DAPK1: variants seen among roughly 807,000 people sequenced by gnomAD.
DAPK1 encodes death associated protein kinase 1.
DAPK1 carries 56 observed loss-of-function variants against 144.9 expected under a neutral mutation model. The observed-to-expected ratio is 0.39, with a 90% CI of 0.31 to 0.48. DAPK1 has a LOEUF of 0.48. Among genes scored for constraint, DAPK1 ranks in the 20% least tolerant of loss-of-function variants. DAPK1 has a pLI of 0.95. For missense variants in DAPK1, 1,454 were observed against 1,875.4 expected, an observed-to-expected ratio of 0.78 and a Z score of 4.15; for synonymous variants, 690 against 749.0, an observed-to-expected ratio of 0.92 and a Z score of 1.29.
At chr9:87,666,950 T>A (rs1831081968) in intron 18 of DAPK1, among the ~76,000 whole-genome samples, 1 of 152,170 alleles carries the variant, frequency 6.6e-6, no homozygotes, top group East Asian at 1.9e-4. Context: ...TCAGATTTCT[T>A]CTAACTAGGG....
At chr9:87,675,515 C>T (rs1277377098) in intron 19 of DAPK1, among the ~76,000 whole-genome samples, 1 of 151,934 alleles carries the variant, frequency 6.6e-6, no homozygotes, top group Non-Finnish European at 1.5e-5. Flanking sequence ...GAACAATGCC[C>T]GACATGACCC....
intron 19 of DAPK1, among the ~76,000 whole-genome samples, chr9:87,679,241 G>A (rs150101399): frequency 1.3e-5 from 2 of 152,226 alleles, no homozygotes; most frequent in East Asian, 1.9e-4. Context: ...ATTACAGGTC[G>A]GGGGTCACCA....
chr9:87,576,012 C>G (rs1267519021), intron 2 of DAPK1, among the ~76,000 whole-genome samples: 1 of 152,200 alleles, frequency 6.6e-6, no homozygotes, highest in Non-Finnish European at 1.5e-5. Flanking sequence ...CAAGAAAATG[C>G]CTTCCGTGGT....
At chr9:87,565,639 A>T (rs1039352149) in intron 2 of DAPK1, among the ~76,000 whole-genome samples, 3 of 152,194 alleles carry the variant, frequency 2.0e-5, no homozygotes, top group African/African-American at 7.2e-5. Flanking sequence ...AATGATGAGG[A>T]ACTCAAATCC....
chr9:87,651,023 G>T (rs748226678), intron 16 of DAPK1, among the ~76,000 whole-genome samples: 1 of 152,148 alleles, frequency 6.6e-6, no homozygotes, highest in Non-Finnish European at 1.5e-5. Flanking sequence ...ATGAATGCCC[G>T]GGCTGGTTTT....
At chr9:87,654,233 A>G (rs543191153) in intron 17 of DAPK1, among the ~76,000 whole-genome samples, 2 of 152,280 alleles carry the variant, frequency 1.3e-5, no homozygotes, top group African/African-American at 4.8e-5. Context: ...AACACAGACT[A>G]TTGCAGATTC....
chr9:87,655,472 C>T (rs1228442970), intron 17 of DAPK1, among the ~76,000 whole-genome samples: 1 of 152,212 alleles, frequency 6.6e-6, no homozygotes, highest in Non-Finnish European at 1.5e-5. Flanking sequence ...TAGAGACTCA[C>T]TCAAGTAACT....
At chr9:87,539,963 C>T (rs1218713454) in intron 2 of DAPK1, among the ~76,000 whole-genome samples, 1 of 151,824 alleles carries the variant, frequency 6.6e-6, no homozygotes, top group South Asian at 2.1e-4. Context: ...GTAGTGATGC[C>T]GGCAATTCGG....
At chr9:87,522,989 G>A (rs1377493325) in intron 2 of DAPK1, among the ~76,000 whole-genome samples, 34 of 151,952 alleles carry the variant, frequency 2.2e-4, no homozygotes. Context: ...ATAGCTTTAT[G>A]TTCATGTTAT....
At chr9:87,680,919 T>C (rs1824592956) in intron 19 of DAPK1, among the ~76,000 whole-genome samples, 1 of 152,132 alleles carries the variant, frequency 6.6e-6, no homozygotes, top group East Asian at 1.9e-4. Context: ...AATTTCACAG[T>C]TGAAAATGGT....
chr9:87,549,048 A>T (rs1826374068), intron 2 of DAPK1, among the ~76,000 whole-genome samples: 2 of 148,846 alleles, frequency 1.3e-5, no homozygotes, highest in African/African-American at 5.0e-5. Context: ...AATCACCTAG[A>T]TATTAACCCA....
At position 87,571,472 on chromosome 9, in the gene DAPK1, CACCA is replaced by C. The variant is rs1422546694; in HGVS notation, c.63-33479_63-33476del. Among the ~76,000 whole-genome samples, 42 of 53,762 alleles carry C rather than the reference CACCA, an allele frequency of 7.8e-4. 4 individuals are homozygous for C. The highest frequency in any genetic ancestry group is 3.7e-3 in the African/African-American group (41 of 10,942). 35.3% of individuals were successfully genotyped at this position (53,762 alleles called of 152,430 possible). ...ACACACACACACACACACACACACA[CACCA>C]ACACACACACACACACACCCCAACA... On this transcript the variant is annotated intron_variant, in intron 2 of 25. Transcript: ENST00000408954.
chr9:87,597,517 C>G (rs1411425318), intron 2 of DAPK1, among the ~76,000 whole-genome samples: 3 of 152,148 alleles, frequency 2.0e-5, no homozygotes, highest in African/African-American at 7.2e-5. Flanking sequence ...GTCTTCTTGG[C>G]TTCTCTGAGA....
intron 19 of DAPK1, among the ~76,000 whole-genome samples, chr9:87,673,409 T>C (rs1450365134): frequency 6.6e-6 from 1 of 152,218 alleles, no homozygotes; most frequent in Non-Finnish European, 1.5e-5. Flanking sequence ...CCTAGCAATG[T>C]GTCTTTAAAC....
chr9:87,706,869 C>T lies in DAPK1; in HGVS notation c.3798C>T (p.Thr1266=). Residue 1266 remains threonine (T), a synonymous_variant, in exon 26 of 26, where the codon ACC becomes ACT. Coordinates refer to ENST00000408954, the MANE Select transcript of DAPK1 (RefSeq NM_004938.4). This position sits in a 1 kb window ranked among gnomAD's most constrained non-coding sequence, Gnocchi z 9.0. Reference sequence around the variant, plus strand: ...TCCGGGCACAGACTCTGAAGGAAACCTCACTGACCAACACCATGGGGGGGT... The same window carrying T: ...TCCGGGCACAGACTCTGAAGGAAACTTCACTGACCAACACCATGGGGGGGT... ...DFFRAQTLKE[T]SLTNTMGGYK... 2 of 1,614,012 alleles carry T rather than the reference C, an allele frequency of 1.2e-6. No individual in the cohort carries two copies. The highest frequency in any genetic ancestry group is 1.7e-6 in the Non-Finnish European group (2 of 1,180,020).
At chr9:87,614,763 G>A (rs949506207) in intron 3 of DAPK1, among the ~76,000 whole-genome samples, 19 of 152,178 alleles carry the variant, frequency 1.2e-4, no homozygotes, top group Admixed American at 9.2e-4. Context: ...CCCCGGCACT[G>A]TGGCTGCCGC....
chr9:87,576,516 C>T (rs1045499076), intron 2 of DAPK1, among the ~76,000 whole-genome samples: 1 of 152,088 alleles, frequency 6.6e-6, no homozygotes, highest in Non-Finnish European at 1.5e-5. Context: ...TCATGAGCTG[C>T]CTGTTACTGA....
At chr9:87,553,925 T>G (rs1412881043) in intron 2 of DAPK1, 4 of 152,122 alleles carry the variant, frequency 2.6e-5, no homozygotes, top group Non-Finnish European at 5.9e-5. Flanking sequence ...TTTCACTGAG[T>G]TTTTACCTGT....
At chr9:87,624,484 C>T (rs1829420592) in intron 3 of DAPK1, among the ~76,000 whole-genome samples, 1 of 152,218 alleles carries the variant, frequency 6.6e-6, no homozygotes, top group African/African-American at 2.4e-5. Flanking sequence ...ATTGGTCGAG[C>T]AGGCACAGAA....
Sources: allele counts gnomAD v4.1 joint callset (sites outside exome capture counted in the v4.1 genomes callset), GRCh38; gene constraint gnomAD v4.1.1; non-coding constraint Gnocchi (gnomAD v3.1); transcripts MANE v1.5; gene names NCBI Gene and HGNC (gene_info 2026-07-23, HGNC 2026-07-21).